Variants in AFTPH observed in about 807,000 individuals in gnomAD.
AFTPH encodes the protein aftiphilin, also known as aftiphilin protein.
A neutral mutation model predicts 72.5 loss-of-function variants in AFTPH; 7 were observed. That is an observed-to-expected ratio of 0.10 (90% CI 0.05 to 0.18). The LOEUF is 0.18. AFTPH is among the 10% of genes least tolerant of loss of function. AFTPH has a pLI of 1.00. For synonymous variants in AFTPH, 337 were observed against 370.1 expected (o/e 0.91, Z 1.03); for missense variants, 979 against 1,060.5 (o/e 0.92, Z 1.07).
chr2:64,579,410 A>ATTTT, intron 6 of AFTPH, 76 bp from the exon 7 acceptor site: 2 of 988,596 alleles, frequency 2.0e-6, no homozygotes, highest in Non-Finnish European at 2.9e-6. Flanking sequence ...TCTTGCTATA[A>ATTTT]TTTTTTTTTT....
intron 6 of AFTPH, among the ~76,000 whole-genome samples, chr2:64,577,724 T>C (rs1051683198): frequency 6.6e-6 from 1 of 152,184 alleles, no homozygotes; most frequent in African/African-American, 2.4e-5. Flanking sequence ...GCAGGTAGGT[T>C]ATAAACTAGG....
rs573504024 is a variant in AFTPH, at chr2:64,578,407, AC to A, written c.2395-1078del. Among the ~76,000 whole-genome samples, 301 of 152,368 alleles carry A rather than the reference AC, an allele frequency of 2.0e-3. 2 individuals carry two copies. Among genetic ancestry groups the A allele is most frequent in the South Asian group, 8.1e-3 (39 of 4,832 alleles). On this transcript the variant is annotated intron_variant, in intron 6 of 8. Coordinates refer to ENST00000238856, the Ensembl canonical transcript of AFTPH. ...ACCATCCCCAAAAGAAAAGAAAAAA[AC>A]AACCAACATTTTTTCATGTAAGAAT... is the stretch of plus-strand genomic sequence containing the variant.
At chr2:64,576,932 T>G (rs1197304950) in intron 6 of AFTPH, among the ~76,000 whole-genome samples, 1 of 152,138 alleles carries the variant, frequency 6.6e-6, no homozygotes, top group African/African-American at 2.4e-5. Flanking sequence ...CTAATTTTTA[T>G]ATTTTTAGTA....
intron 1 of AFTPH, among the ~76,000 whole-genome samples, chr2:64,538,271 T>C (rs1669997383): frequency 1.3e-5 from 2 of 152,256 alleles, no homozygotes; most frequent in Non-Finnish European, 1.5e-5. Context: ...ATGTTATATA[T>C]TTTTTTCTTT....
chr2:64,529,989 T>A (rs550992343), intron 1 of AFTPH, among the ~76,000 whole-genome samples: 2 of 151,908 alleles, frequency 1.3e-5, no homozygotes, highest in Non-Finnish European at 2.9e-5. Context: ...CCCCGTCTCT[T>A]CTAAAAATAT....
intron 5 of AFTPH, 27 bp from the exon 6 acceptor site, chr2:64,572,919 C>T: frequency 6.2e-7 from 1 of 1,613,636 alleles, no homozygotes; most frequent in Non-Finnish European, 8.5e-7. Context: ...CCCCCATCCC[C>T]ATTAAAGGCT....
chr2:64,557,872 C>G (rs1671477676), intron 2 of AFTPH, among the ~76,000 whole-genome samples: 1 of 152,140 alleles, frequency 6.6e-6, no homozygotes, highest in African/African-American at 2.4e-5. Context: ...GAAAATTTGA[C>G]TATCTGGTGT....
At chr2:64,524,460 G>T (rs1272274090) in exon 1 of AFTPH, 69 of 402,090 alleles carry the variant, frequency 1.7e-4, no homozygotes, top group East Asian at 3.6e-5. Context: ...ACTCCGGGTG[G>T]GCGTCCATGG....
At chr2:64,571,267 ACC>A (rs79134245) in intron 5 of AFTPH, among the ~76,000 whole-genome samples, 2 of 138,836 alleles carry the variant, frequency 1.4e-5, no homozygotes, top group South Asian at 4.8e-4. Flanking sequence ...ACCGCCCCCC[ACC>A]CCCCTGTTTC....
chr2:64,545,948 A>T (rs193085529), intron 1 of AFTPH, among the ~76,000 whole-genome samples: 2 of 152,124 alleles, frequency 1.3e-5, no homozygotes, highest in African/African-American at 4.8e-5. Flanking sequence ...ACTGGAGTGC[A>T]GTGGCACGAT....
Position 64,553,311 on chromosome 2 carries a change from G to C in AFTPH, c.1837G>C (p.Asp613His), listed in dbSNP as rs773136683. Residue 613 changes from aspartate to histidine, a missense_variant, in exon 2 of 9, where the codon GAT becomes CAT. Physicochemically the swap from Asp to His is moderately conservative, Grantham distance 81 (BLOSUM62 -1). This residue lies in a region of AFTPH where 438 missense variants were observed against 530.0 expected (regional missense o/e 0.83). Coordinates refer to ENST00000238856, the Ensembl canonical transcript of AFTPH. ...GTCACATAGGACAGATGAAAATATT[G>C]ATACTCCAGGAACCCCCAAAACGCA... The C allele has an allele frequency of 1.9e-6, 3 of 1,614,042 alleles. No homozygotes were observed. The highest frequency in any genetic ancestry group is 3.3e-5 in the Admixed American group (2 of 59,996).
chr2:64,545,489 A>G (rs991382061), intron 1 of AFTPH, among the ~76,000 whole-genome samples: 3 of 147,484 alleles, frequency 2.0e-5, no homozygotes, highest in African/African-American at 4.9e-5. Context: ...ATAGTAAGAT[A>G]CTGGAAACAA....
intron 1 of AFTPH, among the ~76,000 whole-genome samples, chr2:64,525,747 C>A (rs1455038400): frequency 6.6e-6 from 1 of 152,172 alleles, no homozygotes; most frequent in African/African-American, 2.4e-5. Context: ...AACACAGTCA[C>A]GTACATTTTA....
In AFTPH at chr2:64,567,542, TG is replaced by T. The variant is rs757013933; in HGVS notation, c.1936-14del. 1.9e-6 allele frequency: 3 copies of T among 1,585,496 alleles called. No individual in the cohort carries two copies. The highest frequency in any genetic ancestry group is 3.8e-5 in the Admixed American group (2 of 52,698). On this transcript the variant is annotated intron_variant, in intron 2 of 8. Transcript: ENST00000238856. ...TCAAAATTAAATGAAAATAAACTTT[TG>T]GGGGGTGTTTTGATGCAGACAGCTT...
At chr2:64,558,397 G>T (rs1230542492) in intron 2 of AFTPH, among the ~76,000 whole-genome samples, 2 of 152,014 alleles carry the variant, frequency 1.3e-5, no homozygotes, top group African/African-American at 2.4e-5. Flanking sequence ...GCATCTTTCT[G>T]GTCACAGAAA....
intron 6 of AFTPH, among the ~76,000 whole-genome samples, chr2:64,575,234 C>G (rs1439150302): frequency 4.6e-5 from 7 of 152,110 alleles, no homozygotes; most frequent in Non-Finnish European, 1.0e-4. Context: ...TCCAGATGAC[C>G]TAATGAAAAA....
intron 1 of AFTPH, among the ~76,000 whole-genome samples, chr2:64,547,662 T>C (rs577140159): frequency 5.1e-4 from 78 of 152,358 alleles, no homozygotes; most frequent in African/African-American, 1.8e-3. Flanking sequence ...TGGGTTATAA[T>C]CCATTATTAT....
chr2:64,524,696 C>T (rs1054179782), intron 1 of AFTPH, 84 bp downstream of exon 1: 1 of 389,904 alleles, frequency 2.6e-6, no homozygotes, highest in African/African-American at 2.1e-5. Flanking sequence ...CAGACCCTCA[C>T]CCGGGCCGGG....
chr2:64,592,009 A>T, exon 9 of AFTPH: 1 of 1,613,900 alleles, frequency 6.2e-7, no homozygotes, highest in South Asian at 1.1e-5. Context: ...ACCTTCCACA[A>T]GCTCTCAAGA....
Sources: allele counts gnomAD v4.1 joint callset (sites outside exome capture counted in the v4.1 genomes callset), GRCh38; gene constraint gnomAD v4.1.1; regional missense constraint gnomAD v4.1.1; transcripts MANE v1.5; gene names NCBI Gene and HGNC (gene_info 2026-07-23, HGNC 2026-07-21).